ZNF804B: variants seen among roughly 807,000 people sequenced by gnomAD.
ZNF804B encodes zinc finger protein 804B.
A neutral mutation model predicts 101.4 loss-of-function variants in ZNF804B; 80 were observed. The ratio of observed to expected loss-of-function variants is 0.79; its 90% CI spans 0.66 to 0.95. The LOEUF (loss-of-function observed/expected upper bound fraction) is 0.95, where lower values mean the gene tolerates loss of function less well. Ranked by LOEUF, ZNF804B falls within the 40% of genes least tolerant of loss-of-function variation. ZNF804B has a pLI of 0.00. For synonymous variants in ZNF804B, 622 were observed against 558.8 expected (o/e 1.11, Z -1.59); for missense variants, 1,673 against 1,561.9 (o/e 1.07, Z -1.20).
intron 1 of ZNF804B, among the ~76,000 whole-genome samples, chr7:89,202,248 T>G (rs1331274083): frequency 1.3e-5 from 2 of 152,140 alleles, no homozygotes; most frequent in Non-Finnish European, 2.9e-5. Flanking sequence ...GATGTTTTCC[T>G]TTCATGTTAG....
chr7:89,086,457 G>A (rs1789802653), intron 1 of ZNF804B, among the ~76,000 whole-genome samples: 1 of 151,842 alleles, frequency 6.6e-6, no homozygotes, highest in Admixed American at 6.6e-5. Flanking sequence ...TCTTTATAAG[G>A]TGTACTGTAA....
chr7:88,872,104 T>A (rs1791836529), intron 1 of ZNF804B, among the ~76,000 whole-genome samples: 1 of 152,208 alleles, frequency 6.6e-6, no homozygotes, highest in Non-Finnish European at 1.5e-5. Context: ...CAGACAAAAA[T>A]GGATTAATTC....
chr7:89,132,561 T>C (rs779131011), intron 1 of ZNF804B, among the ~76,000 whole-genome samples: 7 of 152,036 alleles, frequency 4.6e-5, no homozygotes, highest in Non-Finnish European at 8.8e-5. Flanking sequence ...TTAGGTATTA[T>C]GTCATCATTC....
At chr7:89,060,129 C>T (rs1424320218) in intron 1 of ZNF804B, among the ~76,000 whole-genome samples, 1 of 152,106 alleles carries the variant, frequency 6.6e-6, no homozygotes, top group Non-Finnish European at 1.5e-5. Context: ...ATACTATCGG[C>T]ATCCCAGGGT....
At chr7:89,121,644 G>C (rs1015856703) in intron 1 of ZNF804B, among the ~76,000 whole-genome samples, 9 of 152,120 alleles carry the variant, frequency 5.9e-5, no homozygotes, top group African/African-American at 2.2e-4. Flanking sequence ...TGACATTTCT[G>C]TTTCTTGTTT....
chr7:88,973,198 C>CT (rs887039479), intron 1 of ZNF804B, among the ~76,000 whole-genome samples: 35 of 148,536 alleles, frequency 2.4e-4, no homozygotes, highest in Admixed American at 8.7e-4. Flanking sequence ...AATGTGCAAT[C>CT]TTTTTTTTTA....
At chr7:88,878,442 A>G (rs968102973) in intron 1 of ZNF804B, among the ~76,000 whole-genome samples, 5 of 152,198 alleles carry the variant, frequency 3.3e-5, no homozygotes, top group African/African-American at 1.2e-4. Context: ...TATAGAGGAT[A>G]GATTACTCAG....
chr7:88,883,574 A>G (rs1195793586), intron 1 of ZNF804B, among the ~76,000 whole-genome samples: 1 of 152,080 alleles, frequency 6.6e-6, no homozygotes, highest in Admixed American at 6.6e-5. Context: ...AAGTCAACAA[A>G]ATGTATAGGA....
intron 1 of ZNF804B, among the ~76,000 whole-genome samples, chr7:88,767,112 T>C (rs1015967204): frequency 1.1e-4 from 16 of 152,210 alleles, no homozygotes; most frequent in African/African-American, 3.9e-4. Flanking sequence ...TTTTTTTGGT[T>C]CACACATAAA....
chr7:88,922,280 G>A lies in ZNF804B; in HGVS notation c.108+162196G>A, dbSNP rs17165470. 2.3e-4 allele frequency among the ~76,000 whole-genome samples: 35 copies of A among 152,112 alleles called. No individual in the cohort carries two copies. The East Asian group carries it at 6.6e-3, about 28-fold the overall frequency. ...GTTATCAGCAGTTTTGCTGGGAACT[G>A]TCATATTTCTGAATTTGATGTAATA... On this transcript the variant is annotated intron_variant, in intron 1 of 3. Transcript: ENST00000333190.
At chr7:89,209,269 T>A (rs1158835734) in intron 1 of ZNF804B, among the ~76,000 whole-genome samples, 1 of 152,126 alleles carries the variant, frequency 6.6e-6, no homozygotes, top group Non-Finnish European at 1.5e-5. Context: ...CTTTTATTTA[T>A]CTTTTAATGT....
chr7:88,879,019 C>T (rs981016466), intron 1 of ZNF804B, among the ~76,000 whole-genome samples: 3 of 151,994 alleles, frequency 2.0e-5, no homozygotes, highest in Non-Finnish European at 4.4e-5. Context: ...ATTAGGTTCA[C>T]GATGAAAAGG....
chr7:89,273,389 G>A lies in ZNF804B; in HGVS notation c.250-53955G>A, dbSNP rs544561602. Reference sequence around the variant, plus strand: ...ACATCTCAAGGGTTATAGATGAAAGGTAGACCAAATAGCTAGGTGGAGTTG... The same window carrying A: ...ACATCTCAAGGGTTATAGATGAAAGATAGACCAAATAGCTAGGTGGAGTTG... On this transcript the variant is annotated intron_variant, in intron 2 of 3. Transcript: ENST00000333190. Among the ~76,000 whole-genome samples the A allele has an allele frequency of 5.9e-5, 9 of 152,194 alleles. No individual in the cohort carries two copies. The East Asian group carries it at 1.2e-3, about 20-fold the overall frequency.
At chr7:89,163,416 G>A (rs368305579) in intron 1 of ZNF804B, among the ~76,000 whole-genome samples, 2 of 151,934 alleles carry the variant, frequency 1.3e-5, no homozygotes, top group South Asian at 4.2e-4. Context: ...TTTTGGTGGG[G>A]GTGAGAAGTA....
rs939961915 is a variant in ZNF804B, at chr7:89,010,748, T to C, written c.109-207407T>C. The stretch of plus-strand genomic sequence containing the variant: ...TAAGGGCTGCATTTCTTTTCTACCA[T>C]TATAAAGCAAACATTATTTTGTGTT... On this transcript the variant is annotated intron_variant, in intron 1 of 3. Transcript: ENST00000333190. 4.6e-5 allele frequency among the ~76,000 whole-genome samples: 7 copies of C among 152,332 alleles called. 1 individual carries two copies. The South Asian group carries it at 6.2e-4, about 14-fold the overall frequency.
intron 1 of ZNF804B, among the ~76,000 whole-genome samples, chr7:89,127,125 T>C (rs1386422844): frequency 6.6e-6 from 1 of 151,928 alleles, no homozygotes; most frequent in African/African-American, 2.4e-5. Flanking sequence ...CTGGCTCAAA[T>C]AGAGATTGTG....
At chr7:89,110,173 A>G (rs1267809414) in intron 1 of ZNF804B, among the ~76,000 whole-genome samples, 1 of 152,148 alleles carries the variant, frequency 6.6e-6, no homozygotes, top group East Asian at 1.9e-4. Flanking sequence ...GTGAGTCACC[A>G]GGAGGTGTAC....
intron 1 of ZNF804B, among the ~76,000 whole-genome samples, chr7:89,108,715 A>G (rs1466622102): frequency 2.0e-5 from 3 of 152,170 alleles, no homozygotes; most frequent in African/African-American, 7.2e-5. Context: ...AAGGCCTGGC[A>G]GGAGACAAAT....
intron 2 of ZNF804B, among the ~76,000 whole-genome samples, chr7:89,292,187 G>A (rs1790307511): frequency 2.0e-5 from 3 of 152,146 alleles, no homozygotes; most frequent in South Asian, 4.1e-4. Flanking sequence ...ATGTTAATGA[G>A]CAATAAGAAA....
Sources: allele counts gnomAD v4.1 joint callset (sites outside exome capture counted in the v4.1 genomes callset), GRCh38; gene constraint gnomAD v4.1.1; transcripts MANE v1.5; gene names NCBI Gene and HGNC (gene_info 2026-07-23, HGNC 2026-07-21).